The following EFR3A variants were observed in gnomAD, a reference collection of about 807,000 sequenced individuals.
EFR3A encodes the protein EFR3 homolog A.
Under a neutral mutation model 104.4 loss-of-function variants are expected in EFR3A, and 76 were observed. That is an observed-to-expected ratio of 0.73 (90% CI 0.60 to 0.88). The LOEUF is 0.88. EFR3A is among the 40% of genes least tolerant of loss of function. The pLI is 0.00. For missense variants in EFR3A, 985 were observed against 1,012.5 expected (o/e 0.97, Z 0.37); for synonymous variants, 330 against 330.0 (o/e 1.00, Z 0.00).
intron 1 of EFR3A, among the ~76,000 whole-genome samples, chr8:131,937,588 A>T (rs533254173): frequency 6.8e-4 from 104 of 152,148 alleles, no homozygotes; most frequent in African/African-American, 2.5e-3. Context: ...TTTCTCTTTT[A>T]TGTGCTGGAA....
chr8:131,940,609 TGCTGACCCATTCTGCCCCCC>T, intron 2 of EFR3A, 34 bp downstream of exon 2: 1 of 1,582,160 alleles, frequency 6.3e-7, no homozygotes, highest in East Asian at 2.3e-5. Context: ...TCCTTCTCTT[TGCTGACCCATTCTGCCCCCC>T]GCTGACCTCC....
intron 1 of EFR3A, among the ~76,000 whole-genome samples, chr8:131,935,895 A>G (rs1378384574): frequency 6.6e-6 from 1 of 151,760 alleles, no homozygotes; most frequent in Non-Finnish European, 1.5e-5. Flanking sequence ...CAAGTCCCCA[A>G]ATTTATAGAG....
intron 18 of EFR3A, among the ~76,000 whole-genome samples, 189 bp downstream of exon 18, chr8:131,987,891 A>G (rs1428945551): frequency 6.6e-6 from 1 of 152,166 alleles, no homozygotes; most frequent in Non-Finnish European, 1.5e-5. Flanking sequence ...GTAAATCTCT[A>G]ACGACATAGA....
At chr8:131,961,360 C>T (rs961727684) in intron 8 of EFR3A, among the ~76,000 whole-genome samples, 1 of 152,124 alleles carries the variant, frequency 6.6e-6, no homozygotes, top group African/African-American at 2.4e-5. Flanking sequence ...GCAGAGAAGT[C>T]CTTAAAGGAC....
chr8:132,011,442 C>G lies in EFR3A; in HGVS notation c.*547C>G. 2.0e-6 allele frequency: 2 copies of G among 981,678 alleles called. No individual in the cohort carries two copies. The highest frequency in any genetic ancestry group is 2.4e-6 in the Non-Finnish European group (2 of 826,560). The allele number at this position is 981,678 out of a possible 1,614,324, so 60.8% of individuals were successfully genotyped here. A position where few individuals can be genotyped will look rare whatever the true frequency, so the allele number is the denominator to read the frequency against. On this transcript the variant is annotated 3_prime_UTR_variant, in exon 23 of 23. Transcript: ENST00000254624. ...AGTTACTATAATAATATGTGATAGG[C>G]ATTCCTCATCTTCTTCACAATAATA... is the stretch of plus-strand genomic sequence containing the variant.
rs1417770136 is a variant in EFR3A, at chr8:131,944,668, T to C, written c.88-77T>C. ...TTAATCCCCAATCCAGAAAGGGAAA[T>C]TGTAAAGCAGGCAACACTTAAAAAT... On this transcript the variant is annotated intron_variant, in intron 2 of 22. Coordinates refer to ENST00000254624, the MANE Select transcript of EFR3A (RefSeq NM_015137.6). 1.4e-5 allele frequency: 19 copies of C among 1,388,464 alleles called. No individual in the cohort carries two copies. The Admixed American group carries it at 2.5e-4, about 18-fold the overall frequency. The allele number at this position is 1,388,464 out of a possible 1,614,324, so 86.0% of individuals were successfully genotyped here.
Position 131,935,239 on chromosome 8 carries a change from G to A in EFR3A, c.11-5260G>A, listed in dbSNP as rs559379920. 3.7e-4 allele frequency among the ~76,000 whole-genome samples: 57 copies of A among 152,230 alleles called. 1 individual carries two copies. The South Asian group carries it at 6.6e-3, about 18-fold the overall frequency. ...AGTGTACTTTATTGATTTTTATAGC[G>A]TATAGGAGCAGATGTTAAACTCACT... On this transcript the variant is annotated intron_variant, in intron 1 of 22. Transcript: ENST00000254624.
intron 12 of EFR3A, among the ~76,000 whole-genome samples, chr8:131,978,312 T>C (rs1820422023): frequency 6.6e-6 from 1 of 152,210 alleles, no homozygotes; most frequent in South Asian, 2.1e-4. Context: ...AAAAGTTTTA[T>C]GTTTAGAAGA....
At chr8:131,996,575 C>A (rs1018806698) in intron 19 of EFR3A, 78 bp downstream of exon 19, 1 of 793,966 alleles carries the variant, frequency 1.3e-6, no homozygotes, top group Non-Finnish European at 2.0e-6. Flanking sequence ...TCCACACTTT[C>A]GAACAGGAGG....
chr8:131,934,349 C>T (rs186481339), intron 1 of EFR3A, among the ~76,000 whole-genome samples: 31 of 152,196 alleles, frequency 2.0e-4, no homozygotes, highest in African/African-American at 7.5e-4. Flanking sequence ...TCACGGGAGT[C>T]CTCAGTATCC....
intron 8 of EFR3A, among the ~76,000 whole-genome samples, chr8:131,963,752 G>T (rs1484588070): frequency 6.6e-6 from 1 of 152,126 alleles, no homozygotes; most frequent in Non-Finnish European, 1.5e-5. Flanking sequence ...ACCAAAGCCT[G>T]GCAGAGACAC....
At chr8:131,940,673 A>T in intron 2 of EFR3A, 98 bp downstream of exon 2, 1 of 1,472,136 alleles carries the variant, frequency 6.8e-7, no homozygotes. Context: ...CTCTACTTTT[A>T]CCCTTACATC....
At chr8:131,969,300 A>G (rs1819921969) in intron 9 of EFR3A, among the ~76,000 whole-genome samples, 1 of 152,170 alleles carries the variant, frequency 6.6e-6, no homozygotes, top group Admixed American at 6.5e-5. Context: ...ATCTAATGAT[A>G]TAGTCATCCC....
rs374094815 is a variant in EFR3A at position 131,984,164 on chromosome 8, T to C, written c.1601T>C (p.Ile534Thr). ...AATGGGCAACAGCTGTATCGGCACA[T>C]ATATTTGGGTTGTAAAGAGGAAGAC... is the stretch of plus-strand genomic sequence containing the variant. ...KKNGQQLYRH[I>T]YLGCKEEDNV... Residue 534 changes from isoleucine to threonine, a missense_variant, in exon 15 of 23, where the codon ATA (isoleucine) becomes ACA (threonine). Coordinates refer to ENST00000254624, the MANE Select transcript of EFR3A (RefSeq NM_015137.6). The C allele has an allele frequency of 7.5e-6, 12 of 1,610,724 alleles. No homozygotes were observed. In the East Asian group the frequency reaches 1.8e-4, roughly 24 times the overall value.
At chr8:131,951,842 A>G (rs760237913) in intron 5 of EFR3A, among the ~76,000 whole-genome samples, 41 of 152,146 alleles carry the variant, frequency 2.7e-4, no homozygotes, top group Non-Finnish European at 5.4e-4. Flanking sequence ...TATTTAATAT[A>G]AAATACTTAG....
At chr8:131,917,380 G>C (rs1481917435) in intron 1 of EFR3A, among the ~76,000 whole-genome samples, 1 of 152,174 alleles carries the variant, frequency 6.6e-6, no homozygotes, top group Non-Finnish European at 1.5e-5. Context: ...TCTATTCTCT[G>C]TTTTCAGCAA....
At chr8:131,923,090 T>C (rs1036521102) in intron 1 of EFR3A, among the ~76,000 whole-genome samples, 3 of 152,148 alleles carry the variant, frequency 2.0e-5, no homozygotes, top group Non-Finnish European at 2.9e-5. Flanking sequence ...CAGGTTTTGC[T>C]GTGAAAAATG....
rs374874843 is a variant in EFR3A, at chr8:131,940,538, A to G, written c.50A>G (p.Lys17Arg). Residue 17 changes from lysine to arginine, a missense_variant, in exon 2 of 23, where the codon AAA becomes AGA. Coordinates refer to ENST00000254624, the MANE Select transcript of EFR3A (RefSeq NM_015137.6). ...CCCSALRPRY[K>R]RLVDNIFPED... ...TGTTCCGCTTTGCGTCCTCGCTACA[A>G]ACGCCTGGTGGACAACATATTCCCT... 46 of 1,609,128 alleles carry G rather than the reference A, an allele frequency of 2.9e-5. No homozygotes were observed. In the South Asian group the frequency reaches 3.6e-4, roughly 12 times the overall value.
chr8:131,949,208 GAAAT>G (rs1818582655), intron 4 of EFR3A, among the ~76,000 whole-genome samples: 1 of 151,876 alleles, frequency 6.6e-6, no homozygotes, highest in South Asian at 2.1e-4. Flanking sequence ...TTCTTTAAAA[GAAAT>G]AATACAGTAT....
Sources: allele counts gnomAD v4.1 joint callset (sites outside exome capture counted in the v4.1 genomes callset), GRCh38; gene constraint gnomAD v4.1.1; transcripts MANE v1.5; gene names NCBI Gene and HGNC (gene_info 2026-07-23, HGNC 2026-07-21).